S100A14: variants seen among roughly 807,000 people sequenced by gnomAD.
S100A14 encodes the protein S100 calcium binding protein A14, also known as protein S100-A14.
In S100A14, 6 loss-of-function variants were observed where a neutral mutation model predicts 10.6. That is an observed-to-expected ratio of 0.57 (90% CI 0.31 to 1.12). The LOEUF (loss-of-function observed/expected upper bound fraction) is 1.12. Among genes scored for constraint, S100A14 ranks in the 50% most tolerant of loss-of-function variants. The pLI, the probability that S100A14 is intolerant of heterozygous loss-of-function variation, is 0.06. For synonymous variants in S100A14, 51 were observed against 51.0 expected (o/e 1.00, Z 0.00); for missense variants, 121 against 128.7 (o/e 0.94, Z 0.29).
Position 153,615,899 on chromosome 1 carries a change from T to G in S100A14, c.-41A>C. ...TGGTCCTTTGGTGAGAGTTCTGTTG[T>G]CCTATAGCTGGCCCCAGAGGAGCTG... On this transcript the variant is annotated 5_prime_UTR_variant, in exon 2 of 4. Transcript: ENST00000344616. 6.2e-7 allele frequency: 1 copy of G among 1,609,526 alleles called. No individual in the cohort carries two copies.
intron 2 of S100A14, 67 bp downstream of exon 2, chr1:153,615,762 G>A: frequency 1.9e-6 from 3 of 1,542,662 alleles, no homozygotes; most frequent in Non-Finnish European, 1.8e-6. Context: ...GTCAGTGGGG[G>A]GACATAGACC....
At position 153,614,729 on chromosome 1, in the gene S100A14, A is replaced by C; in HGVS notation, c.*156T>G. On this transcript the variant is annotated 3_prime_UTR_variant, in exon 4 of 4. Coordinates refer to ENST00000344616, the MANE Select transcript of S100A14 (RefSeq NM_020672.3). ...CACCCATGAGCTCCCCAGAGCATCCAAGACAGAGTGCACAGAGACCTGGGG... is the reference window on the plus strand; with the variant it reads ...CACCCATGAGCTCCCCAGAGCATCCCAGACAGAGTGCACAGAGACCTGGGG... 1.1e-6 allele frequency: 1 copy of C among 908,858 alleles called. No homozygotes were observed. 56.3% of individuals were successfully genotyped at this position (908,858 alleles called of 1,614,324 possible). A position where few individuals can be genotyped will look rare whatever the true frequency, so the allele number is the denominator to read the frequency against.
Sources: gnomAD v4.1 joint callset for allele counts on GRCh38, gnomAD v4.1.1 for gene constraint, MANE v1.5 for transcripts, NCBI Gene and HGNC (gene_info 2026-07-23, HGNC 2026-07-21) for gene names.